STON2: variants seen among roughly 807,000 people sequenced by gnomAD.
The protein encoded by STON2 is stonin 2.
Under a neutral mutation model 65.7 loss-of-function variants are expected in STON2, and 29 were observed. That is an observed-to-expected ratio of 0.44 (90% CI 0.33 to 0.60). The LOEUF (loss-of-function observed/expected upper bound fraction) is 0.60, where lower values mean the gene tolerates loss of function less well. STON2 is among the 20% of genes least tolerant of loss of function. The probability of loss-of-function intolerance (pLI) is 0.03; values close to 1 mark genes in which losing one functional copy is unlikely to be tolerated. For missense variants in STON2, 1,054 were observed against 1,118.1 expected (o/e 0.94, Z 0.82); for synonymous variants, 404 against 414.2 (o/e 0.98, Z 0.30).
At chr14:81,314,189 T>C (rs898493917) in intron 5 of STON2, among the ~76,000 whole-genome samples, 3 of 152,222 alleles carry the variant, frequency 2.0e-5, no homozygotes, top group African/African-American at 4.8e-5. Context: ...AAAATCCCCA[T>C]ATGAGCTGGC....
Position 81,277,926 on chromosome 14 carries a change from T to C in STON2, c.1556A>G (p.Tyr519Cys). The change falls in exon 6 of 8, where the codon TAT becomes TGT. Residue 519 changes from tyrosine to cysteine, a missense_variant. Transcript: ENST00000614646. ...KLTDTGYLQL[Y>C]YEQGLEKPFR... is the part of the protein sequence containing the mutation. ...TGGTTTTTCTAGGCCCTGCTCATAA[T>C]ACAGCTGCAGGTAACCAGTGTCTGT... The C allele has an allele frequency of 6.2e-7, 1 of 1,614,230 alleles. No homozygotes were observed. The highest frequency in any genetic ancestry group is 1.3e-5 in the African/African-American group (1 of 75,058).
At chr14:81,349,224 C>T (rs1897932984) in intron 4 of STON2, among the ~76,000 whole-genome samples, 1 of 151,988 alleles carries the variant, frequency 6.6e-6, no homozygotes, top group Non-Finnish European at 1.5e-5. Flanking sequence ...GCAACAGAAG[C>T]AAAAATAGAC....
In STON2 at chr14:81,371,123, G is replaced by T. The variant is rs964678293; in HGVS notation, c.436C>A (p.Leu146Met). Residue 146 changes from leucine (L) to methionine (M), a missense_variant, in exon 4 of 8, where the codon CTG (leucine) becomes ATG (methionine). Transcript: ENST00000614646. ...PSFDSLGRCPLTSESSWTTHS... is the reference protein window; with the variant it reads ...PSFDSLGRCPMTSESSWTTHS... ...GTGGTCCAGCTGCTCTCAGAAGTCA[G>T]AGGGCATCTCCCCAGGGAGTCAAAG... is the stretch of plus-strand genomic sequence containing the variant. The T allele has an allele frequency of 5.0e-6, 8 of 1,614,050 alleles. No individual in the cohort carries two copies.
intron 2 of STON2, among the ~76,000 whole-genome samples, chr14:81,421,555 G>C (rs1176974316): frequency 1.3e-5 from 2 of 152,192 alleles, no homozygotes; most frequent in Admixed American, 6.5e-5. Context: ...AGAGAGGAAA[G>C]GTGTTTTTAC....
intron 1 of STON2, among the ~76,000 whole-genome samples, chr14:81,429,091 C>G (rs914903197): frequency 2.0e-5 from 3 of 152,222 alleles, no homozygotes; most frequent in Non-Finnish European, 2.9e-5. Context: ...TGATCTCACC[C>G]CAAGCTTAAA....
chr14:81,379,707 T>C (rs1229688097), intron 3 of STON2, among the ~76,000 whole-genome samples: 1 of 152,214 alleles, frequency 6.6e-6, no homozygotes, highest in East Asian at 1.9e-4. Context: ...TACAACCATC[T>C]GATCTTCTAC....
At chr14:81,325,121 C>T (rs2140251168) in intron 4 of STON2, among the ~76,000 whole-genome samples, 1 of 152,268 alleles carries the variant, frequency 6.6e-6, no homozygotes, top group East Asian at 1.9e-4. Flanking sequence ...CCAGGAATGC[C>T]TTTCACCACT....
intron 5 of STON2, among the ~76,000 whole-genome samples, chr14:81,317,754 T>C (rs1295851834): frequency 1.3e-5 from 2 of 152,180 alleles, no homozygotes; most frequent in Non-Finnish European, 2.9e-5. Context: ...GGGGATATCA[T>C]GTGATCTAAA....
chr14:81,416,398 T>C (rs1481009406), intron 2 of STON2, among the ~76,000 whole-genome samples: 3 of 151,944 alleles, frequency 2.0e-5, no homozygotes, highest in African/African-American at 7.3e-5. Context: ...AAAAAGGAAG[T>C]AGTGGTGTGA....
chr14:81,400,510 G>GT (rs1282519226), upstream of STON2, among the ~76,000 whole-genome samples: 1 of 135,246 alleles, frequency 7.4e-6, no homozygotes, highest in East Asian at 2.2e-4. Context: ...CACAATACAA[G>GT]TCCCTATGCT....
At position 81,351,617 on chromosome 14, in the gene STON2, A is replaced by C. The variant is rs1288014740; in HGVS notation, c.571+19371T>G. On this transcript the variant is annotated intron_variant, in intron 4 of 7. Transcript: ENST00000614646. ...AAGGTGAAAGCAGCAGTAGAGGCAC[A>C]AAGGTGCAAAATTTTGAAGCATAAT... Among the ~76,000 whole-genome samples, 114 of 152,264 alleles carry C rather than the reference A, an allele frequency of 7.5e-4. 1 individual carries two copies. Among genetic ancestry groups the C allele is most frequent in the Admixed American group, 7.3e-3 (111 of 15,288 alleles).
At chr14:81,342,077 A>C (rs1566917538) in intron 4 of STON2, among the ~76,000 whole-genome samples, 1 of 152,194 alleles carries the variant, frequency 6.6e-6, no homozygotes, top group African/African-American at 2.4e-5. Context: ...TAGACTGTTA[A>C]ATTATGTGTT....
rs565890189 is a variant in STON2 at position 81,315,484 on chromosome 14, G to A, written c.742+8533C>T. 2.7e-5 allele frequency among the ~76,000 whole-genome samples: 4 copies of A among 150,892 alleles called. No individual in the cohort carries two copies. In the East Asian group the frequency reaches 5.9e-4, roughly 22 times the overall value. On this transcript the variant is annotated intron_variant, in intron 5 of 7. Coordinates refer to ENST00000614646, the MANE Select transcript of STON2 (RefSeq NM_001394390.1). ...AGTGGTCCCCCCAGACAATGAAGTC[G>A]CCTGCACGCAGGCATTTCCAACGTA...
chr14:81,387,462 A>C (rs906647676), intron 3 of STON2, among the ~76,000 whole-genome samples: 18 of 152,146 alleles, frequency 1.2e-4, no homozygotes, highest in African/African-American at 4.3e-4. Context: ...GCCTCCCTCA[A>C]ATTTCAAGGG....
intron 5 of STON2, among the ~76,000 whole-genome samples, chr14:81,317,415 T>C (rs1250768891): frequency 6.6e-6 from 1 of 152,232 alleles, no homozygotes; most frequent in Non-Finnish European, 1.5e-5. Flanking sequence ...CACAGAATGA[T>C]CAATAGCAAA....
chr14:81,272,462 C>T (rs1322226815), intron 6 of STON2, among the ~76,000 whole-genome samples: 1 of 152,170 alleles, frequency 6.6e-6, no homozygotes, highest in Non-Finnish European at 1.5e-5. Context: ...CCAGTTTCCA[C>T]AAACAAACAA....
In STON2 at chr14:81,268,256, T is replaced by C. The variant is rs1894433736; in HGVS notation, c.*158A>G. On this transcript the variant is annotated 3_prime_UTR_variant, in exon 8 of 8. Transcript: ENST00000614646. ...TCAGGGTTTCCTGGTAAAATACAAG[T>C]AACTGCAAACAGGAAGATCTGGTAT... is the stretch of plus-strand genomic sequence containing the variant. The C allele has an allele frequency of 8.7e-7, 1 of 1,148,616 alleles. No individual in the cohort carries two copies. Among genetic ancestry groups the C allele is most frequent in the Admixed American group, 4.3e-5 (1 of 23,456 alleles). The allele number at this position is 1,148,616 out of a possible 1,614,324, so 71.2% of individuals were successfully genotyped here. A position where few individuals can be genotyped will look rare whatever the true frequency, so the allele number is the denominator to read the frequency against.
At chr14:81,328,401 AAAGT>A (rs1443560077) in intron 4 of STON2, among the ~76,000 whole-genome samples, 1 of 152,234 alleles carries the variant, frequency 6.6e-6, no homozygotes, top group Non-Finnish European at 1.5e-5. Flanking sequence ...AGCTATTTTG[AAAGT>A]AAGTACTACT....
intron 5 of STON2, among the ~76,000 whole-genome samples, chr14:81,290,401 CAAAG>C (rs1288400994): frequency 6.6e-5 from 10 of 152,176 alleles, no homozygotes; most frequent in Admixed American, 5.9e-4. Context: ...GTGATATGGG[CAAAG>C]AAAGAGAGCT....
Sources: allele counts gnomAD v4.1 joint callset (sites outside exome capture counted in the v4.1 genomes callset), GRCh38; gene constraint gnomAD v4.1.1; transcripts MANE v1.5; gene names NCBI Gene and HGNC (gene_info 2026-07-23, HGNC 2026-07-21).